The following RAD18 variants were observed in gnomAD, a reference collection of about 807,000 sequenced individuals.
RAD18 encodes E3 ubiquitin-protein ligase RAD18.
A neutral mutation model predicts 60.4 loss-of-function variants in RAD18; 47 were observed. The ratio of observed to expected loss-of-function variants is 0.78; its 90% CI spans 0.62 to 0.99. The LOEUF (loss-of-function observed/expected upper bound fraction) is 0.99, where lower values mean the gene tolerates loss of function less well. RAD18 is among the 50% of genes least tolerant of loss of function. The pLI, the probability that RAD18 is intolerant of heterozygous loss-of-function variation, is 0.00. For missense variants in RAD18, 640 were observed against 593.3 expected, an observed-to-expected ratio of 1.08 and a Z score of -0.82; for synonymous variants, 225 against 195.5, an observed-to-expected ratio of 1.15 and a Z score of -1.26.
intron 7 of RAD18, among the ~76,000 whole-genome samples, chr3:8,913,963 G>GTCA (rs1559771881): frequency 1.9e-4 from 29 of 151,534 alleles, no homozygotes; most frequent in African/African-American, 7.0e-4. Context: ...ATAACCACAA[G>GTCA]AGTCAAGTCA....
chr3:8,921,523 T>C (rs1324213997), intron 7 of RAD18, among the ~76,000 whole-genome samples: 1 of 152,062 alleles, frequency 6.6e-6, no homozygotes, highest in African/African-American at 2.4e-5. Flanking sequence ...GGGCATGCGC[T>C]TGTAGTCCTA....
At chr3:8,912,474 G>A in intron 8 of RAD18, 102 bp from the exon 9 acceptor site, 3 of 771,152 alleles carry the variant, frequency 3.9e-6, no homozygotes, top group East Asian at 2.9e-5. Context: ...TTAAAATAGA[G>A]GAAAATGATC....
chr3:8,912,251 A>G, intron 9 of RAD18, 61 bp downstream of exon 9: 3 of 1,246,122 alleles, frequency 2.4e-6, no homozygotes, highest in Non-Finnish European at 3.4e-6. Context: ...CTGAAAAATT[A>G]CTTAAGATGA....
At chr3:8,886,579 A>C (rs1218705019) in intron 12 of RAD18, among the ~76,000 whole-genome samples, 1 of 152,230 alleles carries the variant, frequency 6.6e-6, no homozygotes, top group African/African-American at 2.4e-5. Context: ...ATATTTATTG[A>C]GTGCCTATGC....
chr3:8,910,767 G>A (rs942302065), intron 9 of RAD18, among the ~76,000 whole-genome samples: 1 of 152,178 alleles, frequency 6.6e-6, no homozygotes, highest in Non-Finnish European at 1.5e-5. Context: ...GTAGGGCTCA[G>A]GATATATAAA....
At chr3:8,911,666 GAA>G (rs1940107828) in intron 9 of RAD18, among the ~76,000 whole-genome samples, 1 of 152,126 alleles carries the variant, frequency 6.6e-6, no homozygotes, top group African/African-American at 2.4e-5. Context: ...TTTAAGAAAT[GAA>G]GAGAGAAAAA....
chr3:8,946,906 G>A (rs1392453358), intron 4 of RAD18: 2 of 229,330 alleles, frequency 8.7e-6, no homozygotes, highest in Non-Finnish European at 1.7e-5. Flanking sequence ...AAGAAGAGGA[G>A]CTCCTTGGAG....
intron 6 of RAD18, 44 bp downstream of exon 6, chr3:8,939,510 G>T (rs374054629): frequency 1.8e-5 from 27 of 1,489,350 alleles, no homozygotes; most frequent in African/African-American, 4.2e-5. Flanking sequence ...AGCACAAGAG[G>T]CACCCAGCTA....
At chr3:8,932,883 G>A (rs1460304547) in intron 7 of RAD18, among the ~76,000 whole-genome samples, 2 of 152,202 alleles carry the variant, frequency 1.3e-5, no homozygotes, top group East Asian at 3.9e-4. Context: ...AGATCACAAG[G>A]TCAGGAATTC....
At position 8,877,351 on chromosome 3, in the gene RAD18, A is replaced by G. The variant is rs145049560; in HGVS notation, c.*4006T>C. 6.6e-6 allele frequency: 1 copy of G among 152,302 alleles called. No individual in the cohort carries two copies. Among genetic ancestry groups the G allele is most frequent in the Non-Finnish European group, 1.5e-5 (1 of 68,102 alleles). 9.4% of individuals were successfully genotyped at this position (152,302 alleles called of 1,614,324 possible). A position where few individuals can be genotyped will look rare whatever the true frequency, so the allele number is the denominator to read the frequency against. ...CAGAGGGAACGAAGACTGTGTCCTC[A>G]TGTGGCGGAAGGGATGGAAGGAAAC... On this transcript the variant is annotated 3_prime_UTR_variant, in exon 13 of 13. Transcript: ENST00000264926.
At chr3:8,887,744 C>G (rs956628496) in intron 12 of RAD18, among the ~76,000 whole-genome samples, 1 of 152,196 alleles carries the variant, frequency 6.6e-6, no homozygotes, top group East Asian at 1.9e-4. Flanking sequence ...ATCAGACAGG[C>G]TAAGTAAAAA....
At chr3:8,935,675 G>C (rs1940636077) in intron 7 of RAD18, among the ~76,000 whole-genome samples, 196 bp downstream of exon 7, 1 of 152,184 alleles carries the variant, frequency 6.6e-6, no homozygotes, top group African/African-American at 2.4e-5. Flanking sequence ...AAGGGATCTG[G>C]GGATTGGAAG....
intron 11 of RAD18, among the ~76,000 whole-genome samples, chr3:8,896,112 T>C (rs1324678656): frequency 1.3e-5 from 2 of 152,238 alleles, no homozygotes; most frequent in Non-Finnish European, 2.9e-5. Context: ...TGCTGTCTTC[T>C]GGATCCTAAA....
chr3:8,896,400 G>A (rs894869923), intron 11 of RAD18, among the ~76,000 whole-genome samples: 1 of 151,636 alleles, frequency 6.6e-6, no homozygotes, highest in African/African-American at 2.4e-5. Context: ...TCTGGCTTCA[G>A]TGCCTTCTGA....
At chr3:8,925,815 T>A (rs543743002) in intron 7 of RAD18, among the ~76,000 whole-genome samples, 78 of 152,288 alleles carry the variant, frequency 5.1e-4, no homozygotes, top group African/African-American at 1.7e-3. Context: ...AAAAACCACA[T>A]GATTATCTCA....
intron 10 of RAD18, among the ~76,000 whole-genome samples, chr3:8,900,173 A>G (rs1208748280): frequency 6.6e-6 from 1 of 152,170 alleles, no homozygotes; most frequent in Admixed American, 6.5e-5. Context: ...CTGGCTGTCA[A>G]TAAACTATCA....
chr3:8,905,755 T>C (rs1470834958), intron 9 of RAD18, among the ~76,000 whole-genome samples: 2 of 152,228 alleles, frequency 1.3e-5, no homozygotes, highest in Non-Finnish European at 2.9e-5. Flanking sequence ...CACCTTTCTC[T>C]AGTAAAGTTT....
At chr3:8,945,468 C>CTTTTTTTTT (rs375744764) in intron 4 of RAD18, among the ~76,000 whole-genome samples, 151 of 96,394 alleles carry the variant, frequency 1.6e-3, no homozygotes, top group Middle Eastern at 0.011. Flanking sequence ...TTTCCATCTT[C>CTTTTTTTTT]TTTTTTTTTT....
chr3:8,885,660 G>C (rs1480973902), intron 12 of RAD18, among the ~76,000 whole-genome samples: 1 of 152,188 alleles, frequency 6.6e-6, no homozygotes, highest in Admixed American at 6.5e-5. Flanking sequence ...GTAAGGGAGG[G>C]AAGAGGGAAA....
Sources: gnomAD v4.1 joint callset for allele counts (sites outside exome capture counted in the v4.1 genomes callset) on GRCh38, gnomAD v4.1.1 for gene constraint, MANE v1.5 for transcripts, NCBI Gene and HGNC (gene_info 2026-07-23, HGNC 2026-07-21) for gene names.